The following MYO3A variants were observed in gnomAD, a reference collection of about 807,000 sequenced individuals.
MYO3A encodes myosin IIIA.
A neutral mutation model predicts 192.7 loss-of-function variants in MYO3A; 180 were observed. The ratio of observed to expected loss-of-function variants is 0.93; its 90% CI spans 0.83 to 1.06. MYO3A has a LOEUF of 1.06. MYO3A is among the 50% of genes least tolerant of loss of function. The pLI is 0.00. For synonymous variants in MYO3A, 628 were observed against 645.3 expected (o/e 0.97, Z 0.41); for missense variants, 1,896 against 1,905.0 (o/e 1.00, Z 0.09).
chr10:26,125,282 A>G (rs1474670416), intron 18 of MYO3A, 116 bp from the exon 19 acceptor site: 3 of 914,274 alleles, frequency 3.3e-6, no homozygotes, highest in Non-Finnish European at 3.5e-6. Flanking sequence ...TACATTACAT[A>G]ATCTCCACAC....
At chr10:26,013,091 G>A (rs1254144460) in intron 6 of MYO3A, among the ~76,000 whole-genome samples, 1 of 152,098 alleles carries the variant, frequency 6.6e-6, no homozygotes, top group Non-Finnish European at 1.5e-5. Flanking sequence ...AATGAAACTG[G>A]AACTCTATCT....
At chr10:25,994,065 C>A (rs1308330900) in intron 4 of MYO3A, among the ~76,000 whole-genome samples, 1 of 152,024 alleles carries the variant, frequency 6.6e-6, no homozygotes, top group Non-Finnish European at 1.5e-5. Flanking sequence ...TCCTGGATAT[C>A]CTTGTTAACT....
chr10:26,083,312 G>T (rs11014951), intron 14 of MYO3A, among the ~76,000 whole-genome samples: 3 of 151,954 alleles, frequency 2.0e-5, no homozygotes, highest in African/African-American at 2.4e-5. Flanking sequence ...GACAGAGTGG[G>T]GTGGCACAGA....
At chr10:26,138,087 C>G (rs775936470) in intron 20 of MYO3A, among the ~76,000 whole-genome samples, 3 of 152,146 alleles carry the variant, frequency 2.0e-5, no homozygotes, top group African/African-American at 7.2e-5. Flanking sequence ...CTCCTTTTTG[C>G]GCTTTGAAGC....
intron 10 of MYO3A, among the ~76,000 whole-genome samples, chr10:26,057,977 T>C (rs1834217204): frequency 6.6e-6 from 1 of 152,294 alleles, no homozygotes; most frequent in Non-Finnish European, 1.5e-5. Flanking sequence ...TGAACCTACA[T>C]TGACACATCC....
At chr10:26,074,471 G>T (rs1304674875) in intron 14 of MYO3A, among the ~76,000 whole-genome samples, 1 of 151,340 alleles carries the variant, frequency 6.6e-6, no homozygotes, top group Non-Finnish European at 1.5e-5. Context: ...ATGCAGTTTG[G>T]TCTACTTCTG....
intron 20 of MYO3A, 80 bp downstream of exon 20, chr10:26,128,618 C>A: frequency 7.1e-7 from 1 of 1,402,824 alleles, no homozygotes; most frequent in South Asian, 1.2e-5. Context: ...AGGACCTTAA[C>A]CATAGATTTA....
intron 27 of MYO3A, among the ~76,000 whole-genome samples, chr10:26,168,342 T>G (rs1841866510): frequency 6.8e-6 from 1 of 147,914 alleles, no homozygotes; most frequent in African/African-American, 2.4e-5. Flanking sequence ...CAGATTTTTT[T>G]AATTTGGGAA....
At chr10:25,965,756 G>A (rs1242823844) in intron 4 of MYO3A, among the ~76,000 whole-genome samples, 1 of 152,100 alleles carries the variant, frequency 6.6e-6, no homozygotes, top group Non-Finnish European at 1.5e-5. Context: ...TGCCTAGGCT[G>A]AGTTTAAATG....
intron 20 of MYO3A, among the ~76,000 whole-genome samples, chr10:26,138,827 C>T (rs1839994839): frequency 6.6e-6 from 1 of 152,204 alleles, no homozygotes; most frequent in African/African-American, 2.4e-5. Context: ...ATGCCAGCTT[C>T]ATGAATGGAT....
chr10:26,013,035 T>C (rs1031759880), intron 6 of MYO3A, among the ~76,000 whole-genome samples: 4 of 152,148 alleles, frequency 2.6e-5, no homozygotes, highest in African/African-American at 9.7e-5. Flanking sequence ...ATAGATACCC[T>C]ATTTAATAAA....
chr10:25,968,870 G>A (rs550003334), intron 4 of MYO3A, among the ~76,000 whole-genome samples: 1 of 152,308 alleles, frequency 6.6e-6, no homozygotes, highest in African/African-American at 2.4e-5. Context: ...GCCTATTAGT[G>A]ACTTAGTATC....
Position 26,070,122 on chromosome 10 carries a change from A to G in MYO3A, c.1182A>G (p.Leu394=). Reference sequence around the variant, plus strand: ...TTTTTAACCTTTAGCATTCCAAACTATATATTGGATCAAAGAGAACTGCCA... The same window carrying G: ...TTTTTAACCTTTAGCATTCCAAACTGTATATTGGATCAAAGAGAACTGCCA... The part of the protein sequence containing the change: ...LGLYSTKHSK[L]YIGSKRTASP... Residue 394 remains leucine, a synonymous_variant, in exon 13 of 35, where the codon CTA becomes CTG. Transcript: ENST00000642920. The G allele has an allele frequency of 6.2e-7, 1 of 1,608,694 alleles. No individual in the cohort carries two copies. Among genetic ancestry groups the G allele is most frequent in the African/African-American group, 1.3e-5 (1 of 74,928 alleles).
At chr10:26,206,065 A>ATT (rs746654545) in intron 34 of MYO3A, among the ~76,000 whole-genome samples, 4,874 of 141,634 alleles carry the variant, frequency 0.034, 267 homozygotes, top group African/African-American at 0.12. Context: ...CTGAGTGCAG[A>ATT]TTTTTTTTTT....
chr10:26,144,012 G>A (rs924405319), intron 21 of MYO3A, among the ~76,000 whole-genome samples: 1 of 152,004 alleles, frequency 6.6e-6, no homozygotes, highest in South Asian at 2.1e-4. Context: ...TTTAATATAG[G>A]CAAATCACTT....
intron 10 of MYO3A, among the ~76,000 whole-genome samples, chr10:26,044,595 A>G (rs2131245052): frequency 6.6e-6 from 1 of 152,324 alleles, no homozygotes; most frequent in Non-Finnish European, 1.5e-5. Context: ...GCCAAGGATA[A>G]CATGGTCTCT....
intron 6 of MYO3A, among the ~76,000 whole-genome samples, chr10:26,005,564 C>G (rs1457284588): frequency 6.6e-6 from 1 of 152,078 alleles, no homozygotes. Flanking sequence ...GTGGCAATTA[C>G]AAACAAATAT....
At chr10:26,088,712 C>T (rs1188889205) in intron 15 of MYO3A, among the ~76,000 whole-genome samples, 2 of 152,132 alleles carry the variant, frequency 1.3e-5, no homozygotes, top group African/African-American at 4.8e-5. Flanking sequence ...TTTATCTATA[C>T]AAAATTAATG....
chr10:26,102,481 AT>A (rs1837520522), intron 17 of MYO3A, among the ~76,000 whole-genome samples: 1 of 152,094 alleles, frequency 6.6e-6, no homozygotes, highest in African/African-American at 2.4e-5. Flanking sequence ...TGGCCCTCTG[AT>A]TTTTAGAATT....
Sources: allele counts gnomAD v4.1 joint callset (sites outside exome capture counted in the v4.1 genomes callset), GRCh38; gene constraint gnomAD v4.1.1; transcripts MANE v1.5; gene names NCBI Gene and HGNC (gene_info 2026-07-23, HGNC 2026-07-21).